PEAK1: variants seen among roughly 807,000 people sequenced by gnomAD.
PEAK1 encodes the protein pseudopodium enriched atypical kinase 1.
In PEAK1, 54 loss-of-function variants were observed where a neutral mutation model predicts 124.7. That is an observed-to-expected ratio of 0.43 (90% CI 0.35 to 0.54). The LOEUF is 0.54. Among genes scored for constraint, PEAK1 ranks in the 20% least tolerant of loss-of-function variants. The probability of loss-of-function intolerance (pLI) is 0.01; values close to 1 mark genes in which losing one functional copy is unlikely to be tolerated. For synonymous variants in PEAK1, 719 were observed against 760.0 expected, an observed-to-expected ratio of 0.95 and a Z score of 0.89; for missense variants, 2,046 against 2,134.5, an observed-to-expected ratio of 0.96 and a Z score of 0.82.
chr15:77,417,596 T>C (rs2072993195), intron 1 of PEAK1: 2 of 985,314 alleles, frequency 2.0e-6, no homozygotes, highest in Admixed American at 6.1e-5. Flanking sequence ...GTACTCACAC[T>C]TGGCATGCCA....
chr15:77,410,950 C>T (rs931126891), intron 1 of PEAK1, among the ~76,000 whole-genome samples: 5 of 152,134 alleles, frequency 3.3e-5, no homozygotes, highest in African/African-American at 1.2e-4. Context: ...TGCCATACTA[C>T]CACCTCTTAT....
chr15:77,376,587 C>T (rs1319354930), intron 1 of PEAK1, among the ~76,000 whole-genome samples: 2 of 152,162 alleles, frequency 1.3e-5, no homozygotes, highest in African/African-American at 4.8e-5. Context: ...AATCCCTCTA[C>T]ATCCCACAGC....
chr15:77,251,417 C>T (rs74732176), intron 6 of PEAK1, among the ~76,000 whole-genome samples: 4 of 151,634 alleles, frequency 2.6e-5, no homozygotes, highest in Non-Finnish European at 4.4e-5. Flanking sequence ...CCAATTCTTT[C>T]GAAATGATTT....
intron 1 of PEAK1, among the ~76,000 whole-genome samples, chr15:77,411,089 T>C (rs2072371631): frequency 6.6e-6 from 1 of 152,196 alleles, no homozygotes; most frequent in South Asian, 2.1e-4. Context: ...TATTTTGGGT[T>C]TGACTTTAAT....
intron 2 of PEAK1, chr15:77,332,177 A>T: frequency 1.0e-6 from 1 of 969,674 alleles, no homozygotes; most frequent in Non-Finnish European, 1.2e-6. Flanking sequence ...ATAGCTAGTA[A>T]TATAAGCTTA....
chr15:77,359,324 C>T (rs2067731290), intron 2 of PEAK1, among the ~76,000 whole-genome samples: 2 of 151,870 alleles, frequency 1.3e-5, no homozygotes. Context: ...CCTGTAGTCC[C>T]AGCTACTTGA....
At chr15:77,128,081 G>GAA (rs753604137) in intron 9 of PEAK1, among the ~76,000 whole-genome samples, 20 of 84,822 alleles carry the variant, frequency 2.4e-4, no homozygotes, top group East Asian at 3.5e-4. Context: ...TCCATCTCAA[G>GAA]AAAAAAAAAA....
At chr15:77,329,120 C>T (rs2153029367) in intron 2 of PEAK1, among the ~76,000 whole-genome samples, 1 of 152,138 alleles carries the variant, frequency 6.6e-6, no homozygotes, top group East Asian at 1.9e-4. Flanking sequence ...ACCAACAGGC[C>T]ATGAAGTAAT....
At chr15:77,272,771 T>G (rs2062105031) in intron 5 of PEAK1, among the ~76,000 whole-genome samples, 1 of 150,536 alleles carries the variant, frequency 6.6e-6, no homozygotes, top group African/African-American at 2.4e-5. Context: ...GAAGCCGGTA[T>G]CACCCTAATA....
At chr15:77,296,934 C>T (rs2063516209) in intron 2 of PEAK1, among the ~76,000 whole-genome samples, 1 of 151,750 alleles carries the variant, frequency 6.6e-6, no homozygotes. Context: ...TTAGAGAATG[C>T]CCCAGGAGAT....
At chr15:77,153,600 C>T (rs2054854591) in intron 8 of PEAK1, among the ~76,000 whole-genome samples, 1 of 152,054 alleles carries the variant, frequency 6.6e-6, no homozygotes. Flanking sequence ...TAGATCTTTC[C>T]TGCTTTCTCT....
intron 2 of PEAK1, among the ~76,000 whole-genome samples, chr15:77,311,446 C>T (rs2064436719): frequency 6.6e-6 from 1 of 151,974 alleles, no homozygotes; most frequent in Admixed American, 6.6e-5. Flanking sequence ...GAGGCAGAGG[C>T]GGGTGGATCA....
intron 6 of PEAK1, among the ~76,000 whole-genome samples, chr15:77,213,744 G>A (rs571847780): frequency 6.6e-6 from 1 of 152,054 alleles, no homozygotes; most frequent in African/African-American, 2.4e-5. Context: ...CTTACATGAT[G>A]AACAGGATTT....
intron 9 of PEAK1, among the ~76,000 whole-genome samples, chr15:77,118,635 C>T (rs1362135228): frequency 1.3e-5 from 2 of 152,144 alleles, no homozygotes; most frequent in African/African-American, 4.8e-5. Flanking sequence ...CACATTCCTT[C>T]TTTATAAAGA....
intron 5 of PEAK1, among the ~76,000 whole-genome samples, chr15:77,265,621 G>A (rs1238477986): frequency 6.6e-6 from 1 of 151,974 alleles, no homozygotes; most frequent in East Asian, 1.9e-4. Flanking sequence ...TGCTGGAGAG[G>A]ATGTGGAGAA....
intron 5 of PEAK1, among the ~76,000 whole-genome samples, chr15:77,282,688 T>C (rs868006738): frequency 6.6e-6 from 1 of 152,312 alleles, no homozygotes; most frequent in East Asian, 1.9e-4. Context: ...ATAACTTTTT[T>C]ATGAACACTA....
intron 6 of PEAK1, among the ~76,000 whole-genome samples, chr15:77,214,377 G>A (rs1235478934): frequency 6.6e-6 from 1 of 151,786 alleles, no homozygotes; most frequent in East Asian, 1.9e-4. Flanking sequence ...AGTACTTTGG[G>A]AGGCTGAGGT....
intron 2 of PEAK1, chr15:77,348,048 T>C: frequency 4.1e-6 from 4 of 985,326 alleles, no homozygotes; most frequent in South Asian, 4.7e-5. Flanking sequence ...CTATCAAATA[T>C]ATGCACTTTT....
chr15:77,389,066 G>T (rs570478520), intron 1 of PEAK1, among the ~76,000 whole-genome samples: 3 of 149,620 alleles, frequency 2.0e-5, no homozygotes, highest in Non-Finnish European at 4.4e-5. Flanking sequence ...GGGCTTAAAC[G>T]ATCCTCCCAC....
Sources: gnomAD v4.1 joint callset for allele counts (sites outside exome capture counted in the v4.1 genomes callset) on GRCh38, gnomAD v4.1.1 for gene constraint, MANE v1.5 for transcripts, NCBI Gene and HGNC (gene_info 2026-07-23, HGNC 2026-07-21) for gene names.